TULP4: variants seen among roughly 807,000 people sequenced by gnomAD.
TULP4 encodes TUB like protein 4, also known as tubby-related protein 4.
Under a neutral mutation model 129.0 loss-of-function variants are expected in TULP4, and 16 were observed. The observed-to-expected ratio is 0.12, with a 90% CI of 0.08 to 0.19. TULP4 has a LOEUF of 0.19. TULP4 is among the 10% of genes least tolerant of loss of function. The pLI, the probability that TULP4 is intolerant of heterozygous loss-of-function variation, is 1.00. For missense variants in TULP4, 1,842 were observed against 2,059.1 expected, an observed-to-expected ratio of 0.89 and a Z score of 2.04; for synonymous variants, 998 against 854.0, an observed-to-expected ratio of 1.17 and a Z score of -2.94.
rs914333798 is a variant in TULP4, at chr6:158,448,988, G to C, written c.544-8G>C. The C allele has an allele frequency of 1.9e-6, 3 of 1,602,318 alleles. No homozygotes were observed. Among genetic ancestry groups the C allele is most frequent in the Non-Finnish European group, 2.6e-6 (3 of 1,172,126 alleles). Reference sequence around the variant, plus strand: ...CACTTGGTCAGAGGTCCCCATCCTGGATTGCAGGTGCTGTTTGGCACGGCC... The same window carrying C: ...CACTTGGTCAGAGGTCCCCATCCTGCATTGCAGGTGCTGTTTGGCACGGCC... On this transcript the variant is annotated splice_region_variant and splice_polypyrimidine_tract_variant and intron_variant, in intron 3 of 13. Transcript: ENST00000367097.
intron 2 of TULP4, among the ~76,000 whole-genome samples, chr6:158,417,591 G>A (rs746897068): frequency 2.1e-4 from 32 of 152,114 alleles, no homozygotes; most frequent in Non-Finnish European, 3.5e-4. Context: ...GATCTTACCC[G>A]ACTAAAAAGG....
At chr6:158,292,254 G>A (rs897300794) in intron 1 of TULP4, among the ~76,000 whole-genome samples, 1 of 152,214 alleles carries the variant, frequency 6.6e-6, no homozygotes, top group Non-Finnish European at 1.5e-5. Context: ...ATGACCAACT[G>A]TCTGGTTAGT....
chr6:158,286,333 G>T (rs1044740794), intron 1 of TULP4, among the ~76,000 whole-genome samples: 1 of 152,214 alleles, frequency 6.6e-6, no homozygotes, highest in African/African-American at 2.4e-5. Context: ...ATGGAATGTG[G>T]TGGTAGAAGT....
At chr6:158,347,036 C>G (rs1453471426) in intron 1 of TULP4, among the ~76,000 whole-genome samples, 2 of 152,066 alleles carry the variant, frequency 1.3e-5, no homozygotes, top group African/African-American at 4.8e-5. Flanking sequence ...GTGCTTTTTT[C>G]TAAAATAAGC....
intron 1 of TULP4, among the ~76,000 whole-genome samples, chr6:158,336,108 A>G (rs1006233616): frequency 1.3e-5 from 2 of 152,236 alleles, no homozygotes; most frequent in Non-Finnish European, 2.9e-5. Context: ...GTATATTACC[A>G]AGCTTTTACA....
intron 1 of TULP4, among the ~76,000 whole-genome samples, chr6:158,320,962 T>C (rs1452497640): frequency 6.6e-6 from 1 of 152,228 alleles, no homozygotes; most frequent in Non-Finnish European, 1.5e-5. Context: ...TTGCCTCGTT[T>C]GGTAAAACTT....
At chr6:158,323,852 G>A (rs1779689977) in intron 1 of TULP4, among the ~76,000 whole-genome samples, 1 of 152,178 alleles carries the variant, frequency 6.6e-6, no homozygotes, top group African/African-American at 2.4e-5. Context: ...GGAAACTGCA[G>A]CTTTAGGTGA....
intron 3 of TULP4, among the ~76,000 whole-genome samples, chr6:158,441,173 G>C (rs1159544930): frequency 3.3e-5 from 5 of 151,982 alleles, no homozygotes; most frequent in Admixed American, 3.3e-4. Flanking sequence ...AATTACCCAG[G>C]CACGATGGTG....
chr6:158,302,897 C>T (rs912658274), intron 1 of TULP4, among the ~76,000 whole-genome samples: 2 of 151,792 alleles, frequency 1.3e-5, no homozygotes, highest in African/African-American at 4.8e-5. Flanking sequence ...ACCCTTTTGA[C>T]CCTCAGGGCC....
intron 3 of TULP4, among the ~76,000 whole-genome samples, chr6:158,443,526 G>A (rs148665629): frequency 6.6e-6 from 1 of 152,284 alleles, no homozygotes; most frequent in East Asian, 1.9e-4. Context: ...GAGCCTGAAA[G>A]ATTTGGAGAA....
intron 1 of TULP4, among the ~76,000 whole-genome samples, chr6:158,264,792 C>CT (rs563729460): frequency 3.1e-4 from 47 of 152,194 alleles, no homozygotes; most frequent in Non-Finnish European, 8.8e-5. Flanking sequence ...CTCCATGCCT[C>CT]TAAGTTCTAC....
intron 1 of TULP4, among the ~76,000 whole-genome samples, chr6:158,242,991 G>A (rs1260147100): frequency 6.6e-6 from 1 of 152,122 alleles, no homozygotes; most frequent in Non-Finnish European, 1.5e-5. Context: ...GTTTCACTAT[G>A]TTGGCTAGGC....
chr6:158,396,251 G>A (rs1012342960), intron 1 of TULP4, among the ~76,000 whole-genome samples: 17 of 150,790 alleles, frequency 1.1e-4, no homozygotes, highest in African/African-American at 4.2e-4. Context: ...CTCTCATGTC[G>A]AGGGCAGAAC....
At chr6:158,317,736 G>A (rs1166436166) in intron 1 of TULP4, among the ~76,000 whole-genome samples, 1 of 152,206 alleles carries the variant, frequency 6.6e-6, no homozygotes, top group Non-Finnish European at 1.5e-5. Context: ...TCACCACACT[G>A]TCTTCCACAA....
intron 1 of TULP4, among the ~76,000 whole-genome samples, chr6:158,315,507 T>G (rs1779466735): frequency 6.6e-6 from 1 of 152,174 alleles, no homozygotes; most frequent in African/African-American, 2.4e-5. Context: ...GCACTAAACT[T>G]AACTCTCGAT....
At position 158,429,462 on chromosome 6, in the gene TULP4, T is replaced by A. The variant is rs572014233; in HGVS notation, c.382-274T>A. 6.7e-3 allele frequency among the ~76,000 whole-genome samples: 1,021 copies of A among 152,298 alleles called. 9 individuals are homozygous for A. Among genetic ancestry groups the A allele is most frequent in the African/African-American group, 0.023 (959 of 41,560 alleles). The stretch of plus-strand genomic sequence containing the variant: ...CCCCGACTAATTCTTAAAATTTTTG[T>A]AGAGGTAGTATCTCGTTATTTTGTC... On this transcript the variant is annotated intron_variant, in intron 2 of 13. Coordinates refer to ENST00000367097, the MANE Select transcript of TULP4 (RefSeq NM_020245.5).
intron 1 of TULP4, among the ~76,000 whole-genome samples, chr6:158,290,126 G>A (rs962815409): frequency 6.6e-6 from 1 of 152,086 alleles, no homozygotes; most frequent in African/African-American, 2.4e-5. Flanking sequence ...TGTAGAAACG[G>A]GGTCCCACTG....
At chr6:158,373,218 A>G (rs1013176519) in intron 1 of TULP4, among the ~76,000 whole-genome samples, 2 of 152,234 alleles carry the variant, frequency 1.3e-5, no homozygotes, top group African/African-American at 4.8e-5. Flanking sequence ...TGTAGCTCTT[A>G]CATGGCTACG....
intron 1 of TULP4, among the ~76,000 whole-genome samples, chr6:158,397,185 C>T (rs1777737734): frequency 6.6e-6 from 1 of 152,186 alleles, no homozygotes; most frequent in South Asian, 2.1e-4. Flanking sequence ...GAGTGAGGGG[C>T]AAGGGTCAGT....
Sources: gnomAD v4.1 joint callset for allele counts (sites outside exome capture counted in the v4.1 genomes callset) on GRCh38, gnomAD v4.1.1 for gene constraint, MANE v1.5 for transcripts, NCBI Gene and HGNC (gene_info 2026-07-23, HGNC 2026-07-21) for gene names.